Variants in RB1CC1 observed in about 807,000 individuals in gnomAD.
RB1CC1 encodes the protein RB1-inducible coiled-coil protein 1.
Under a neutral mutation model 177.5 loss-of-function variants are expected in RB1CC1, and 46 were observed. That is an observed-to-expected ratio of 0.26 (90% CI 0.20 to 0.33). The LOEUF is 0.33. RB1CC1 is among the 10% of genes least tolerant of loss of function. The pLI, the probability that RB1CC1 is intolerant of heterozygous loss-of-function variation, is 1.00. For synonymous variants in RB1CC1, 666 were observed against 613.6 expected (o/e 1.09, Z -1.26); for missense variants, 1,703 against 1,816.3 (o/e 0.94, Z 1.13).
chr8:52,671,848 T>C (rs1425758427), intron 7 of RB1CC1, among the ~76,000 whole-genome samples: 1 of 152,006 alleles, frequency 6.6e-6, no homozygotes, highest in Non-Finnish European at 1.5e-5. Flanking sequence ...TAGCTACTCC[T>C]CCTGATAGAG....
At position 52,656,635 on chromosome 8, in the gene RB1CC1, G is replaced by GCT; in HGVS notation, c.3193_3194insAG (p.Ala1065GlufsTer3). The GCT allele has an allele frequency of 6.2e-7, 1 of 1,613,712 alleles. No individual in the cohort carries two copies. Among genetic ancestry groups the GCT allele is most frequent in the East Asian group, 2.2e-5 (1 of 44,848 alleles). On this transcript the variant is annotated frameshift_variant, in exon 15 of 24. Transcript: ENST00000025008. LOFTEE classifies it high-confidence loss of function. ...TTCATCAGTTTCTGCTTCCTTCAAC[G>GCT]CAAGTTCAACCTCTAACTTGCATCT...
At position 52,679,165 on chromosome 8, in the gene RB1CC1, C is replaced by G. The variant is rs1000573819; in HGVS notation, c.370-2594G>C. Among the ~76,000 whole-genome samples the G allele has an allele frequency of 1.3e-4, 20 of 152,190 alleles. 1 individual carries two copies. Among genetic ancestry groups the G allele is most frequent in the Admixed American group, 1.2e-3 (19 of 15,274 alleles). On this transcript the variant is annotated intron_variant, in intron 5 of 23. Transcript: ENST00000025008. The stretch of plus-strand genomic sequence containing the variant: ...GCCAATGGAAAAATCAAGCTGGGAA[C>G]TATGTCAGGCAAACCTGCCTCCAAT...
rs188833414 is a variant in RB1CC1 at position 52,654,065 on chromosome 8, T to G, written c.3821+1943A>C. On this transcript the variant is annotated intron_variant, in intron 15 of 23. Coordinates refer to ENST00000025008, the MANE Select transcript of RB1CC1 (RefSeq NM_014781.5). Reference sequence around the variant, plus strand: ...CCATGTTCTTATTCAACATTAAGTATGTGTCCTGTCCAGAAGACATGGAGA... The same window carrying G: ...CCATGTTCTTATTCAACATTAAGTAGGTGTCCTGTCCAGAAGACATGGAGA... Among the ~76,000 whole-genome samples, 6 of 152,348 alleles carry G rather than the reference T, an allele frequency of 3.9e-5. No homozygotes were observed. The East Asian group carries it at 1.2e-3, about 29-fold the overall frequency.
rs1192777805 is a variant in RB1CC1, at chr8:52,661,700, T to C, written c.1193A>G (p.Lys398Arg). 6.4e-7 allele frequency: 1 copy of C among 1,564,408 alleles called. No individual in the cohort carries two copies. Among genetic ancestry groups the C allele is most frequent in the Non-Finnish European group, 8.6e-7 (1 of 1,160,498 alleles). Residue 398 changes from lysine to arginine, a missense_variant, in exon 9 of 24, where the codon AAG (lysine) becomes AGG (arginine). Around this residue, in one of 6 missense-constraint regions of RB1CC1, gnomAD observed 20 missense variants for 58.4 expected, o/e 0.34. Coordinates refer to ENST00000025008, the MANE Select transcript of RB1CC1 (RefSeq NM_014781.5). ...ELAQGFLANQ[K>R]RAENLKDASV... ...TGCATCCTTTAAGTTTTCAGCTCTC[T>C]TCTGATTAGCTAAAAATCCCTTTGA...
At chr8:52,684,067 A>C in intron 3 of RB1CC1, 54 bp from the exon 4 acceptor site, 2 of 1,552,632 alleles carry the variant, frequency 1.3e-6, no homozygotes. Flanking sequence ...CAATGACTTT[A>C]TTTTCCAAGT....
At position 52,707,432 on chromosome 8, in the gene RB1CC1, C is replaced by CTTT. The variant is rs386412758; in HGVS notation, c.-167+6640_-167+6642dup. On this transcript the variant is annotated intron_variant, in intron 1 of 23. Coordinates refer to ENST00000025008, the MANE Select transcript of RB1CC1 (RefSeq NM_014781.5). ...ATTTTTCTTTTCTTTTTCTTTCTTTCTTTTTTTTTTTTTTTTTTTACAAAC... is the reference window on the plus strand; with the variant it reads ...ATTTTTCTTTTCTTTTTCTTTCTTTCTTTTTTTTTTTTTTTTTTTTTTACAAAC... Among the ~76,000 whole-genome samples, 709 of 128,818 alleles carry CTTT rather than the reference C, an allele frequency of 5.5e-3. 11 individuals are homozygous for CTTT. The highest frequency in any genetic ancestry group is 0.013 in the Admixed American group (161 of 12,486). The allele number at this position is 128,818 out of a possible 152,430, so 84.5% of individuals were successfully genotyped here.
chr8:52,636,325 A>G (rs1018648542), intron 18 of RB1CC1, among the ~76,000 whole-genome samples: 1 of 152,048 alleles, frequency 6.6e-6, no homozygotes, highest in African/African-American at 2.4e-5. Context: ...TAAATTTCTT[A>G]TTTTTCCCAG....
rs569759790 is a variant in RB1CC1 at position 52,695,936 on chromosome 8, TG to T, written c.-166-8970del. Among the ~76,000 whole-genome samples the T allele has an allele frequency of 2.3e-3, 355 of 152,228 alleles. 1 individual carries two copies. The highest frequency in any genetic ancestry group is 5.4e-3 in the Admixed American group (83 of 15,286). Reference sequence around the variant, plus strand: ...GTAGTCAGCTGGTTTGAAGTGAGGGTGGGTTCTGGGCACCGCCAAACTTGCC... The same window carrying T: ...GTAGTCAGCTGGTTTGAAGTGAGGGTGGTTCTGGGCACCGCCAAACTTGCC... On this transcript the variant is annotated intron_variant, in intron 1 of 23. Transcript: ENST00000025008.
At chr8:52,634,724 C>G (rs1849001428) in intron 20 of RB1CC1, among the ~76,000 whole-genome samples, 197 bp downstream of exon 20, 1 of 152,154 alleles carries the variant, frequency 6.6e-6, no homozygotes, top group African/African-American at 2.4e-5. Flanking sequence ...AAGTCTGACT[C>G]TACAGTCAGG....
At chr8:52,699,917 C>A (rs897955066) in intron 1 of RB1CC1, among the ~76,000 whole-genome samples, 1 of 135,476 alleles carries the variant, frequency 7.4e-6, no homozygotes, top group Admixed American at 7.5e-5. Flanking sequence ...ACCCACACAA[C>A]AGGATAAAAA....
intron 18 of RB1CC1, among the ~76,000 whole-genome samples, chr8:52,638,170 G>A (rs533867953): frequency 2.4e-4 from 36 of 152,264 alleles, no homozygotes; most frequent in African/African-American, 8.2e-4. Context: ...TTCCTAGTTT[G>A]TTGAGTGTTT....
chr8:52,668,167 A>C lies in RB1CC1; in HGVS notation c.1027T>G (p.Phe343Val). 5 of 1,613,878 alleles carry C rather than the reference A, an allele frequency of 3.1e-6. No homozygotes were observed. The highest frequency in any genetic ancestry group is 4.2e-6 in the Non-Finnish European group (5 of 1,179,964). The change falls in exon 8 of 24, where the codon TTT (phenylalanine) becomes GTT (valine). Residue 343 changes from phenylalanine to valine, a missense_variant. Phe to Val is a conservative substitution (Grantham distance 50). Around this residue, in one of 6 missense-constraint regions of RB1CC1, gnomAD observed 315 missense variants for 304.9 expected, o/e 1.03. Coordinates refer to ENST00000025008, the MANE Select transcript of RB1CC1 (RefSeq NM_014781.5). ...SRLDPRIIRP[F>V]IAECRQTIAK... ...ATAGTTTGACGGCATTCTGCTATAA[A>C]TGGTCGAATAATCCTTGGATCAAGC...
At chr8:52,694,302 T>C (rs1300240075) in intron 1 of RB1CC1, among the ~76,000 whole-genome samples, 1 of 151,940 alleles carries the variant, frequency 6.6e-6, no homozygotes, top group African/African-American at 2.4e-5. Context: ...AAGAGGAGGG[T>C]GATTCAGGAT....
intron 18 of RB1CC1, among the ~76,000 whole-genome samples, chr8:52,637,014 G>C (rs919979920): frequency 1.3e-5 from 2 of 151,234 alleles, no homozygotes; most frequent in African/African-American, 4.9e-5. Flanking sequence ...TAGTCAAACA[G>C]TGTGAGACTT....
rs766206232 is a variant in RB1CC1, at chr8:52,623,696, T to C, written c.*86A>G. The C allele has an allele frequency of 3.2e-6, 3 of 933,568 alleles. No individual in the cohort carries two copies. The highest frequency in any genetic ancestry group is 2.1e-4 in the Middle Eastern group (1 of 4,726). 57.8% of individuals were successfully genotyped at this position (933,568 alleles called of 1,614,324 possible). A position where few individuals can be genotyped will look rare whatever the true frequency, so the allele number is the denominator to read the frequency against. On this transcript the variant is annotated 3_prime_UTR_variant, in exon 24 of 24. Transcript: ENST00000025008. ...TCACGCTGACTTTTGCATAAAAAGATGGCCTGCTGTTTTTGGAGTGATGAA... is the reference window on the plus strand; with the variant it reads ...TCACGCTGACTTTTGCATAAAAAGACGGCCTGCTGTTTTTGGAGTGATGAA...
At chr8:52,647,505 G>A (rs1191048421) in intron 15 of RB1CC1, among the ~76,000 whole-genome samples, 1 of 152,038 alleles carries the variant, frequency 6.6e-6, no homozygotes, top group Non-Finnish European at 1.5e-5. Flanking sequence ...ATAAATCAAA[G>A]GCTTACTAAG....
chr8:52,691,324 C>T (rs944451989), intron 1 of RB1CC1, among the ~76,000 whole-genome samples: 1 of 152,098 alleles, frequency 6.6e-6, no homozygotes, highest in African/African-American at 2.4e-5. Flanking sequence ...CAGCTGTGTG[C>T]CTTTAAACAA....
intron 8 of RB1CC1, among the ~76,000 whole-genome samples, chr8:52,666,408 C>T (rs540771119): frequency 1.7e-4 from 26 of 152,048 alleles, no homozygotes; most frequent in East Asian, 7.8e-4. Flanking sequence ...ATCCCAGCTA[C>T]TTCGGAGACT....
chr8:52,637,919 C>T (rs931263747), intron 18 of RB1CC1, among the ~76,000 whole-genome samples: 1 of 152,166 alleles, frequency 6.6e-6, no homozygotes, highest in Non-Finnish European at 1.5e-5. Context: ...GATCTGCCTA[C>T]TTTGGCCTCC....
Sources: allele counts gnomAD v4.1 joint callset (sites outside exome capture counted in the v4.1 genomes callset), GRCh38; gene constraint gnomAD v4.1.1; regional missense constraint gnomAD v4.1.1; transcripts MANE v1.5; gene names NCBI Gene and HGNC (gene_info 2026-07-23, HGNC 2026-07-21).